The following CSMD2 variants were observed in gnomAD, a reference collection of about 807,000 sequenced individuals.
CSMD2 encodes CUB and sushi domain-containing protein 2.
CSMD2 carries 130 observed loss-of-function variants against 398.5 expected under a neutral mutation model. The ratio of observed to expected loss-of-function variants is 0.33; its 90% CI spans 0.28 to 0.38. The LOEUF (loss-of-function observed/expected upper bound fraction) is 0.38, where lower values mean the gene tolerates loss of function less well. Among genes scored for constraint, CSMD2 ranks in the 10% least tolerant of loss-of-function variants. The pLI, the probability that CSMD2 is intolerant of heterozygous loss-of-function variation, is 1.00. For missense variants in CSMD2, 3,829 were observed against 4,764.9 expected (o/e 0.80, Z 5.78); for synonymous variants, 1,828 against 1,908.5 (o/e 0.96, Z 1.10).
chr1:33,572,086 T>G (rs1659644351), intron 50 of CSMD2, among the ~76,000 whole-genome samples: 1 of 152,218 alleles, frequency 6.6e-6, no homozygotes, highest in Admixed American at 6.5e-5. Context: ...ATTCAAAATT[T>G]GTTATAAAGC....
chr1:33,676,439 A>G (rs1289747036), intron 25 of CSMD2, among the ~76,000 whole-genome samples: 2 of 152,352 alleles, frequency 1.3e-5, no homozygotes, highest in East Asian at 3.9e-4. Flanking sequence ...ACTACAAACC[A>G]CTGCTCAAGG....
chr1:33,799,856 G>GT (rs969952049), intron 10 of CSMD2, among the ~76,000 whole-genome samples: 7 of 152,196 alleles, frequency 4.6e-5, no homozygotes, highest in Non-Finnish European at 1.5e-5. Flanking sequence ...TAAACGGTGT[G>GT]TTTTTTAAGC....
intron 31 of CSMD2, among the ~76,000 whole-genome samples, chr1:33,634,809 A>G (rs1642697243): frequency 1.3e-5 from 2 of 151,866 alleles, no homozygotes; most frequent in Non-Finnish European, 2.9e-5. Flanking sequence ...CCTCACCTGC[A>G]CTTTCAAGCC....
chr1:33,782,345 A>G (rs477438), intron 12 of CSMD2, among the ~76,000 whole-genome samples: 42,434 of 152,114 alleles, frequency 0.28, 6,149 homozygotes, highest in South Asian at 0.34. Context: ...AGAGCAGAGA[A>G]GGGAGTAAGC....
chr1:33,601,779 G>T (rs1640236794), intron 43 of CSMD2, among the ~76,000 whole-genome samples: 1 of 152,206 alleles, frequency 6.6e-6, no homozygotes, highest in Non-Finnish European at 1.5e-5. Flanking sequence ...GTCCAATTCA[G>T]CCACTGCCAG....
At chr1:34,161,050 C>T (rs369458003) in intron 1 of CSMD2, among the ~76,000 whole-genome samples, 2 of 151,878 alleles carry the variant, frequency 1.3e-5, no homozygotes, top group Admixed American at 6.6e-5. Context: ...TAGCTAGGTT[C>T]GAGAATAATT....
chr1:34,147,632 A>G (rs1039987193), intron 1 of CSMD2, among the ~76,000 whole-genome samples: 2 of 76,788 alleles, frequency 2.6e-5, no homozygotes, highest in African/African-American at 1.0e-4. Context: ...ACGGGGTGAC[A>G]GCCAAAAGTG....
At chr1:34,045,879 T>C (rs1319061694) in intron 2 of CSMD2, among the ~76,000 whole-genome samples, 1 of 152,234 alleles carries the variant, frequency 6.6e-6, no homozygotes, top group Non-Finnish European at 1.5e-5. Context: ...TTGCACAGAA[T>C]ACTATCCAAT....
At chr1:33,988,942 A>G (rs1390842709) in intron 3 of CSMD2, among the ~76,000 whole-genome samples, 5 of 149,406 alleles carry the variant, frequency 3.3e-5, no homozygotes, top group African/African-American at 9.9e-5. Context: ...AGCTAGAACT[A>G]TAACACTTCC....
intron 1 of CSMD2, among the ~76,000 whole-genome samples, chr1:34,158,416 A>T (rs774386535): frequency 5.3e-4 from 80 of 152,140 alleles, no homozygotes; most frequent in Non-Finnish European, 6.0e-4. Flanking sequence ...CAAGGAGATA[A>T]ATCCAGGGAG....
At chr1:33,802,533 C>A (rs1458852654) in intron 10 of CSMD2, among the ~76,000 whole-genome samples, 1 of 152,152 alleles carries the variant, frequency 6.6e-6, no homozygotes, top group Admixed American at 6.5e-5. Context: ...TGGGACATTC[C>A]TAGCTCCTTG....
intron 4 of CSMD2, among the ~76,000 whole-genome samples, chr1:33,934,161 A>T (rs928013327): frequency 9.2e-5 from 14 of 152,360 alleles, no homozygotes; most frequent in Admixed American, 2.6e-4. Flanking sequence ...ATCTTCCTCC[A>T]AAAGAAAAAT....
chr1:33,540,158 A>G (rs558246493), intron 60 of CSMD2, among the ~76,000 whole-genome samples: 1 of 152,190 alleles, frequency 6.6e-6, no homozygotes, highest in African/African-American at 2.4e-5. Flanking sequence ...GGTTTCCCAG[A>G]AGTCTTTTCT....
At position 33,717,973 on chromosome 1, in the gene CSMD2, T is replaced by C. The variant is rs138203619; in HGVS notation, c.3002-1472A>G. 3.3e-3 allele frequency among the ~76,000 whole-genome samples: 505 copies of C among 152,304 alleles called. 3 individuals are homozygous for C. Among genetic ancestry groups the C allele is most frequent in the Middle Eastern group, 6.8e-3 (2 of 294 alleles). ...GTCCTAACTGCTTTTACTTGCACTA[T>C]AGTCAGCCCCTGTCCCTTGGAAGGG... On this transcript the variant is annotated intron_variant, in intron 19 of 70. Transcript: ENST00000373381.
intron 4 of CSMD2, among the ~76,000 whole-genome samples, chr1:33,932,493 C>T (rs185613194): frequency 2.2e-4 from 34 of 152,294 alleles, no homozygotes; most frequent in African/African-American, 7.9e-4. Context: ...CACCAAAAGA[C>T]ATGCCACCCC....
intron 1 of CSMD2, among the ~76,000 whole-genome samples, chr1:34,161,838 AAAG>A (rs1641355347): frequency 6.6e-6 from 1 of 152,090 alleles, no homozygotes; most frequent in Non-Finnish European, 1.5e-5. Flanking sequence ...GTTTTGTGGT[AAAG>A]ATGAGCCTGT....
chr1:33,686,033 A>C (rs1178352236), intron 25 of CSMD2, among the ~76,000 whole-genome samples: 1 of 152,200 alleles, frequency 6.6e-6, no homozygotes. Context: ...ATCCCACATT[A>C]CTGGGTAATT....
chr1:33,830,657 T>C (rs1446017372), intron 6 of CSMD2, among the ~76,000 whole-genome samples: 1 of 152,194 alleles, frequency 6.6e-6, no homozygotes, highest in East Asian at 1.9e-4. Context: ...CAAAGCTGGA[T>C]GGAGAATGAC....
chr1:34,017,881 G>A (rs1017875991), intron 3 of CSMD2, among the ~76,000 whole-genome samples: 1 of 152,182 alleles, frequency 6.6e-6, no homozygotes, highest in Admixed American at 6.5e-5. Flanking sequence ...TTTGATTCAT[G>A]TTATGTTCAT....
Sources: gnomAD v4.1 joint callset for allele counts (sites outside exome capture counted in the v4.1 genomes callset) on GRCh38, gnomAD v4.1.1 for gene constraint, MANE v1.5 for transcripts, NCBI Gene and HGNC (gene_info 2026-07-23, HGNC 2026-07-21) for gene names.